USP35: variants seen among roughly 807,000 people sequenced by gnomAD.
USP35 encodes the protein ubiquitin specific peptidase 35.
In USP35, 69 loss-of-function variants were observed where a neutral mutation model predicts 83.8. The ratio of observed to expected loss-of-function variants is 0.82; its 90% CI spans 0.68 to 1.01. The LOEUF (loss-of-function observed/expected upper bound fraction) is 1.01, where lower values mean the gene tolerates loss of function less well. Ranked by LOEUF, USP35 falls within the 50% of genes least tolerant of loss-of-function variation. The pLI, the probability that USP35 is intolerant of heterozygous loss-of-function variation, is 0.00. For synonymous variants in USP35, 714 were observed against 589.5 expected (o/e 1.21, Z -3.06); for missense variants, 1,503 against 1,362.5 (o/e 1.10, Z -1.62).
chr11:78,215,788 T>C (rs1017564784), downstream of USP35: 1 of 152,638 alleles, frequency 6.6e-6, no homozygotes, highest in Admixed American at 6.5e-5. Flanking sequence ...GGAAGGGCTT[T>C]AGCGCTCCTG....
the USP35 span, chr11:78,220,452 G>C: frequency 1.9e-6 from 3 of 1,558,474 alleles, no homozygotes; most frequent in Admixed American, 1.9e-5. Context: ...TTGCTGTCAC[G>C]AGGAGGAAAA....
At chr11:78,233,374 A>C in the USP35 span, among the ~76,000 whole-genome samples, 1 of 152,110 alleles carries the variant, frequency 6.6e-6, no homozygotes, top group Non-Finnish European at 1.5e-5. Flanking sequence ...GCAGAGGTAA[A>C]GCAGAATCTC....
At position 78,211,750 on chromosome 11, in the gene USP35, T is replaced by G. The variant is rs538424941; in HGVS notation, c.2889+1006T>G. On this transcript the variant is annotated intron_variant, in intron 10 of 10. Coordinates refer to ENST00000529308, the MANE Select transcript of USP35 (RefSeq NM_020798.4). ...TTGTTGGCCACATGAATGAATGTCT[T>G]TTGAGAAGTGTCTGTTCATGTCCTT... is the stretch of plus-strand genomic sequence containing the variant. Among the ~76,000 whole-genome samples the G allele has an allele frequency of 5.9e-5, 9 of 152,356 alleles. No individual in the cohort carries two copies. The South Asian group carries it at 1.9e-3, about 32-fold the overall frequency.
At chr11:78,201,922 C>G (rs1863371711) in intron 6 of USP35, among the ~76,000 whole-genome samples, 1 of 152,088 alleles carries the variant, frequency 6.6e-6, no homozygotes, top group Non-Finnish European at 1.5e-5. Context: ...TTTGATCTGA[C>G]TTTTACATCT....
the USP35 span, chr11:78,225,328 T>G: frequency 1.6e-6 from 1 of 624,366 alleles, no homozygotes; most frequent in Non-Finnish European, 2.8e-6. Context: ...CAACCCCAAA[T>G]GATAAGGAAT....
chr11:78,209,875 GAGGAA>G lies in USP35; in HGVS notation c.2025_2029del (p.Glu675AspfsTer52), dbSNP rs1249602007. On this transcript the variant is annotated frameshift_variant, in exon 10 of 11. Coordinates refer to ENST00000529308, the MANE Select transcript of USP35 (RefSeq NM_020798.4). LOFTEE classifies it high-confidence loss of function. ...GGAAGCTGGTGGGCAGAGCAGTCAG[GAGGAA>G]AGGATAGAGAGGGAGGAAGAAGGGA... The G allele has an allele frequency of 5.0e-6, 8 of 1,608,696 alleles. No homozygotes were observed. In the South Asian group the frequency reaches 8.8e-5, roughly 18 times the overall value.
intron 3 of USP35, 72 bp downstream of exon 3, chr11:78,198,140 C>G: frequency 6.3e-7 from 1 of 1,596,014 alleles, no homozygotes; most frequent in Non-Finnish European, 8.5e-7. Context: ...GCCCCTTCTC[C>G]TGGGTGGGCC....
rs1238108989 is a variant in USP35, at chr11:78,210,138, C to T, written c.2283C>T (p.Val761=). ...GTGGCTCTGAGGGCTCCCGCTCCGT[C>T]CTGGACCTGGTTAACTACTTCCTGT... ...RTCGSEGSRS[V]LDLVNYFLSP... Residue 761 remains valine (V), a synonymous_variant, in exon 10 of 11, where the codon GTC becomes GTT. Coordinates refer to ENST00000529308, the MANE Select transcript of USP35 (RefSeq NM_020798.4). 3 of 1,613,718 alleles carry T rather than the reference C, an allele frequency of 1.9e-6. No individual in the cohort carries two copies.
chr11:78,226,815 T>C, the USP35 span: 11 of 1,613,982 alleles, frequency 6.8e-6, no homozygotes, highest in African/African-American at 2.7e-5. Flanking sequence ...ATTATCTGTC[T>C]CGGAGCCTGT....
At chr11:78,208,817 C>T (rs965514111) in intron 8 of USP35, 40 bp from the exon 9 acceptor site, 4 of 1,609,060 alleles carry the variant, frequency 2.5e-6, no homozygotes, top group African/African-American at 2.7e-5. Context: ...GGTGAGTGGC[C>T]TCCTGCTCCT....
chr11:78,219,017 A>C (rs1590933913), downstream of USP35: 1 of 468,214 alleles, frequency 2.1e-6, no homozygotes, highest in East Asian at 3.6e-5. Flanking sequence ...AGTAGCTCCT[A>C]ACTAAGGTGG....
At chr11:78,231,201 T>C in the USP35 span, among the ~76,000 whole-genome samples, 8 of 152,198 alleles carry the variant, frequency 5.3e-5, no homozygotes, top group African/African-American at 1.7e-4. Flanking sequence ...AAAAAGAAGT[T>C]TGAGAGAAGA....
chr11:78,221,868 C>T, the USP35 span: 7 of 841,868 alleles, frequency 8.3e-6, no homozygotes, highest in South Asian at 1.5e-5. Flanking sequence ...CCCTCACACA[C>T]CCAGACCTCA....
chr11:78,235,904 T>A, the USP35 span, among the ~76,000 whole-genome samples: 4 of 152,234 alleles, frequency 2.6e-5, no homozygotes, highest in Admixed American at 2.6e-4. Flanking sequence ...ACATTTTTGG[T>A]ATCTTTTCAG....
chr11:78,213,361 C>A (rs372080672), intron 10 of USP35, among the ~76,000 whole-genome samples: 6 of 152,146 alleles, frequency 3.9e-5, no homozygotes, highest in African/African-American at 1.4e-4. Context: ...ATATGACCCT[C>A]GAAGTCCTCA....
intron 1 of USP35, among the ~76,000 whole-genome samples, chr11:78,191,841 C>CTTTTT (rs1215811595): frequency 7.5e-6 from 1 of 133,466 alleles, no homozygotes. Flanking sequence ...CGGCCCTCAT[C>CTTTTT]TTTTTTTTTT....
Position 78,210,728 on chromosome 11 carries a change from A to G in USP35, c.2873A>G (p.Asn958Ser), listed in dbSNP as rs761399837. Reference protein sequence around the residue: ...KDLMEAISKDNILYLQEQEKE... With the variant: ...KDLMEAISKDSILYLQEQEKE... ...TTGATGGAAGCCATTTCCAAAGACA[A>G]CATCCTTTACCTACAGGTGAGCTGA... Residue 958 changes from asparagine to serine, a missense_variant, in exon 10 of 11, where the codon AAC (asparagine) becomes AGC (serine). Transcript: ENST00000529308. The G allele has an allele frequency of 2.6e-6, 4 of 1,560,884 alleles. No individual in the cohort carries two copies. The highest frequency in any genetic ancestry group is 3.5e-6 in the Non-Finnish European group (4 of 1,151,540).
intron 10 of USP35, among the ~76,000 whole-genome samples, chr11:78,212,685 C>T (rs1261514458): frequency 1.3e-5 from 2 of 152,096 alleles, no homozygotes; most frequent in African/African-American, 2.4e-5. Flanking sequence ...TGATTTGGCT[C>T]CCTGCTTCTT....
chr11:78,236,413 A>C, the USP35 span, among the ~76,000 whole-genome samples: 7 of 152,178 alleles, frequency 4.6e-5, no homozygotes, highest in African/African-American at 1.7e-4. Flanking sequence ...AGCATCCTAA[A>C]GTGCTGGGAT....
Sources: gnomAD v4.1 joint callset for allele counts (sites outside exome capture counted in the v4.1 genomes callset) on GRCh38, gnomAD v4.1.1 for gene constraint, MANE v1.5 for transcripts, NCBI Gene and HGNC (gene_info 2026-07-23, HGNC 2026-07-21) for gene names.